The following APAF1 variants were observed in gnomAD, a reference collection of about 807,000 sequenced individuals.
The protein encoded by APAF1 is apoptotic peptidase activating factor 1, also known as apoptotic protease-activating factor 1.
In APAF1, 91 loss-of-function variants were observed where a neutral mutation model predicts 152.4. That is an observed-to-expected ratio of 0.60 (90% CI 0.50 to 0.71). The LOEUF is 0.71. Ranked by LOEUF, APAF1 falls within the 30% of genes least tolerant of loss-of-function variation. The pLI is 0.00. For synonymous variants in APAF1, 484 were observed against 494.1 expected (o/e 0.98, Z 0.27); for missense variants, 1,283 against 1,472.0 (o/e 0.87, Z 2.10).
chr12:98,680,232 G>A (rs1346399003), intron 13 of APAF1, 45 bp from the exon 14 acceptor site: 22 of 1,531,522 alleles, frequency 1.4e-5, no homozygotes, highest in Non-Finnish European at 1.9e-5. Flanking sequence ...ATGACCAGTA[G>A]TTAAGCAGTT....
chr12:98,654,816 CTTTT>C (rs758991431), intron 4 of APAF1, among the ~76,000 whole-genome samples: 17 of 116,798 alleles, frequency 1.5e-4, no homozygotes, highest in East Asian at 2.4e-4. Flanking sequence ...GTAGTATTTT[CTTTT>C]TTTTTTTTTT....
At chr12:98,727,441 G>A (rs1032253452) in intron 26 of APAF1, 125 bp downstream of exon 26, 27 of 1,074,822 alleles carry the variant, frequency 2.5e-5, no homozygotes, top group Admixed American at 1.2e-4. Context: ...CTGCTACTCC[G>A]GAGGCTAAGG....
chr12:98,721,534 C>T (rs1171108696), intron 22 of APAF1, among the ~76,000 whole-genome samples: 1 of 152,192 alleles, frequency 6.6e-6, no homozygotes, highest in Non-Finnish European at 1.5e-5. Flanking sequence ...CCCTTCCTCT[C>T]TGGTATGATT....
chr12:98,686,722 T>A (rs2097698406), intron 15 of APAF1, 26 bp from the exon 16 acceptor site: 1 of 1,607,656 alleles, frequency 6.2e-7, no homozygotes, highest in Non-Finnish European at 8.5e-7. Flanking sequence ...TAGTTGTTTA[T>A]TTATCTTTTT....
intron 22 of APAF1, among the ~76,000 whole-genome samples, chr12:98,722,050 A>T (rs978562572): frequency 6.6e-6 from 1 of 152,082 alleles, no homozygotes; most frequent in Non-Finnish European, 1.5e-5. Flanking sequence ...TACCTTCCCA[A>T]CCTTTTTTCT....
intron 12 of APAF1, among the ~76,000 whole-genome samples, chr12:98,672,118 A>G (rs1252113439): frequency 6.6e-6 from 1 of 152,034 alleles, no homozygotes; most frequent in Non-Finnish European, 1.5e-5. Flanking sequence ...AATGGAGATA[A>G]CAATCCTTTG....
intron 10 of APAF1, among the ~76,000 whole-genome samples, chr12:98,669,758 TAC>T (rs1468767242): frequency 6.6e-6 from 1 of 152,158 alleles, no homozygotes; most frequent in Non-Finnish European, 1.5e-5. Flanking sequence ...TAAATTTTAA[TAC>T]AGATTGCCAG....
At chr12:98,706,877 T>G (rs761899526) in intron 19 of APAF1, among the ~76,000 whole-genome samples, 1 of 152,216 alleles carries the variant, frequency 6.6e-6, no homozygotes, top group Non-Finnish European at 1.5e-5. Context: ...TGCATTTGAT[T>G]CCTCAGAAAA....
intron 26 of APAF1, among the ~76,000 whole-genome samples, chr12:98,730,717 A>G (rs1005779842): frequency 6.6e-6 from 1 of 152,222 alleles, no homozygotes; most frequent in Admixed American, 6.5e-5. Flanking sequence ...AAAAGCACAG[A>G]GCAAATTAAA....
chr12:98,731,404 T>G (rs2097761269), intron 26 of APAF1, among the ~76,000 whole-genome samples: 1 of 152,194 alleles, frequency 6.6e-6, no homozygotes, highest in South Asian at 2.1e-4. Context: ...TCTAAGAGCC[T>G]TAGTGACTGA....
intron 20 of APAF1, among the ~76,000 whole-genome samples, chr12:98,711,083 A>C (rs1396955089): frequency 6.6e-6 from 1 of 152,166 alleles, no homozygotes; most frequent in Non-Finnish European, 1.5e-5. Context: ...CAATATGCTG[A>C]TTAGGAGCTC....
rs560774539 is a variant in APAF1 at position 98,700,844 on chromosome 12, G to A, written c.2466+1275G>A. ...ATTTGCCTAGGTATTTCATATAAAT[G>A]GAATCATATAATATCGGTCCTTTTG... is the stretch of plus-strand genomic sequence containing the variant. On this transcript the variant is annotated intron_variant, in intron 17 of 26. Coordinates refer to ENST00000551964, the MANE Select transcript of APAF1 (RefSeq NM_181861.2). Among the ~76,000 whole-genome samples the A allele has an allele frequency of 1.4e-4, 21 of 152,190 alleles. No homozygotes were observed. In the South Asian group the frequency reaches 4.4e-3, roughly 32 times the overall value.
At chr12:98,663,728 G>A (rs1027394300) in intron 7 of APAF1, among the ~76,000 whole-genome samples, 7 of 134,028 alleles carry the variant, frequency 5.2e-5, no homozygotes, top group African/African-American at 1.4e-4. Context: ...GCGTGATCTC[G>A]GCTCACTGCA....
chr12:98,708,538 C>T, intron 19 of APAF1, 47 bp from the exon 20 acceptor site: 1 of 1,591,734 alleles, frequency 6.3e-7, no homozygotes, highest in Non-Finnish European at 8.6e-7. Flanking sequence ...AAGATGAAGA[C>T]ATGTTATTTT....
At chr12:98,674,439 G>GTCTCTCTCTCTC (rs34546993) in intron 12 of APAF1, among the ~76,000 whole-genome samples, 4 of 149,346 alleles carry the variant, frequency 2.7e-5, no homozygotes, top group Admixed American at 6.7e-5. Context: ...TGAAGTGGAG[G>GTCTCTCTCTCTC]TCTCTCTCTC....
chr12:98,706,727 T>C (rs952340576), intron 19 of APAF1, 117 bp downstream of exon 19: 19 of 1,171,668 alleles, frequency 1.6e-5, no homozygotes, highest in Admixed American at 5.2e-5. Flanking sequence ...TAGTACTATA[T>C]TCCTATTCAC....
intron 4 of APAF1, among the ~76,000 whole-genome samples, chr12:98,652,905 G>A (rs558361071): frequency 4.6e-5 from 7 of 152,108 alleles, no homozygotes; most frequent in Non-Finnish European, 7.4e-5. Flanking sequence ...TATTACAGGC[G>A]TGAGCCACTG....
rs1377220111 is a variant in APAF1, at chr12:98,735,338, T to C, written c.*2772T>C. The C allele has an allele frequency of 2.4e-5, 10 of 416,134 alleles. No individual in the cohort carries two copies. The highest frequency in any genetic ancestry group is 2.0e-5 in the African/African-American group (1 of 49,324). 25.8% of individuals were successfully genotyped at this position (416,134 alleles called of 1,614,324 possible). On this transcript the variant is annotated 3_prime_UTR_variant, in exon 27 of 27. Coordinates refer to ENST00000551964, the MANE Select transcript of APAF1 (RefSeq NM_181861.2). Reference sequence around the variant, plus strand: ...TTTTGAAACTCTTGTATTTATGATATAGCTTATATGATTTTTTTGCCTTGG... The same window carrying C: ...TTTTGAAACTCTTGTATTTATGATACAGCTTATATGATTTTTTTGCCTTGG...
At chr12:98,715,104 A>C (rs527602042) in intron 21 of APAF1, among the ~76,000 whole-genome samples, 5 of 145,790 alleles carry the variant, frequency 3.4e-5, no homozygotes, top group African/African-American at 1.3e-4. Flanking sequence ...GCAAGCCCAG[A>C]CAGCCACTTG....
Sources: allele counts gnomAD v4.1 joint callset (sites outside exome capture counted in the v4.1 genomes callset), GRCh38; gene constraint gnomAD v4.1.1; transcripts MANE v1.5; gene names NCBI Gene and HGNC (gene_info 2026-07-23, HGNC 2026-07-21).